The following BRD9 variants were observed in gnomAD, a reference collection of about 807,000 sequenced individuals.
BRD9 encodes the protein bromodomain containing 9, also known as bromodomain-containing protein 9.
BRD9 carries 47 observed loss-of-function variants against 68.7 expected under a neutral mutation model. The observed-to-expected ratio is 0.68, with a 90% CI of 0.54 to 0.87. The LOEUF is 0.87. Ranked by LOEUF, BRD9 falls within the 40% of genes least tolerant of loss-of-function variation. The pLI, the probability that BRD9 is intolerant of heterozygous loss-of-function variation, is 0.00. For synonymous variants in BRD9, 313 were observed against 293.9 expected (o/e 1.06, Z -0.67); for missense variants, 670 against 748.4 (o/e 0.90, Z 1.22).
intron 12 of BRD9, 67 bp from the exon 13 acceptor site, chr5:871,631 G>A: frequency 1.4e-6 from 2 of 1,424,950 alleles, no homozygotes; most frequent in Non-Finnish European, 2.0e-6. Flanking sequence ...ACAATTCGCT[G>A]ACATTACACA....
At chr5:890,111 G>T (rs1422656649) in intron 3 of BRD9, 1 of 312,674 alleles carries the variant, frequency 3.2e-6, no homozygotes, top group African/African-American at 2.2e-5. Flanking sequence ...TGGGAGGATC[G>T]CTTGAGCCCA....
rs1752187076 is a variant in BRD9 at position 883,977 on chromosome 5, T to C, written c.927A>G (p.Glu309=). 7 of 1,613,390 alleles carry C rather than the reference T, an allele frequency of 4.3e-6. No individual in the cohort carries two copies. Among genetic ancestry groups the C allele is most frequent in the Non-Finnish European group, 5.9e-6 (7 of 1,179,994 alleles). ...GGAACCGGTTGATCCTGTCCCGAGC[T>C]TCGTCAGCTGCGTGCTCCACCAGCG... is the stretch of plus-strand genomic sequence containing the variant. ...VLALVEHAAD[E]ARDRINRFLP... is the part of the protein sequence containing the mutation. Residue 309 remains glutamate (E), a synonymous_variant, in exon 8 of 16, where the codon GAA becomes GAG. Transcript: ENST00000467963.
At chr5:877,092 C>T (rs775899659) in intron 11 of BRD9, among the ~76,000 whole-genome samples, 2 of 152,190 alleles carry the variant, frequency 1.3e-5, no homozygotes, top group Non-Finnish European at 2.9e-5. Flanking sequence ...GAACCTGATG[C>T]GTTCTAGGGA....
intron 10 of BRD9, chr5:878,750 A>C: frequency 5.9e-6 from 3 of 506,926 alleles, no homozygotes; most frequent in Non-Finnish European, 1.1e-5. Context: ...CTCCACAAGC[A>C]AAAGAGCTGT....
rs775824033 is a variant in BRD9, at chr5:891,613, T to TC, written c.267+26dup. 5.8e-6 allele frequency: 9 copies of TC among 1,548,366 alleles called. No individual in the cohort carries two copies. The South Asian group carries it at 1.1e-4, about 18-fold the overall frequency. ...CCCCACGGGCTCCTCGTGGGCAGCG[T>TC]CCGGGCCACCGCCGCTGCTCCTTTA... On this transcript the variant is annotated intron_variant, in intron 2 of 15. Coordinates refer to ENST00000467963, the MANE Select transcript of BRD9 (RefSeq NM_023924.5).
At chr5:870,800 G>A (rs1750027390) in intron 13 of BRD9, among the ~76,000 whole-genome samples, 1 of 152,204 alleles carries the variant, frequency 6.6e-6, no homozygotes, top group Admixed American at 6.5e-5. Context: ...AACCTACTGA[G>A]ACCAACAACG....
At chr5:891,034 T>C (rs922961078) in intron 3 of BRD9, 121 bp downstream of exon 3, 5 of 1,299,478 alleles carry the variant, frequency 3.8e-6, no homozygotes, top group Admixed American at 2.9e-5. Flanking sequence ...GATGAGGCCC[T>C]GGAAATACCA....
chr5:876,071 C>A lies in BRD9; in HGVS notation c.1383+30G>T, dbSNP rs369163361. Reference sequence around the variant, plus strand: ...GCCAGCAGCACCCCAAGGGCACCTGCCCCCCAACCCCGGTGCGAGTGCAGC... The same window carrying A: ...GCCAGCAGCACCCCAAGGGCACCTGACCCCCAACCCCGGTGCGAGTGCAGC... On this transcript the variant is annotated intron_variant, in intron 12 of 15. Transcript: ENST00000467963. The A allele has an allele frequency of 4.6e-6, 7 of 1,525,954 alleles. No homozygotes were observed. In the East Asian group the frequency reaches 1.4e-4, roughly 30 times the overall value. The allele number at this position is 1,525,954 out of a possible 1,614,324, so 94.5% of individuals were successfully genotyped here.
Position 891,784 on chromosome 5 carries a change from T to C in BRD9, c.123A>G (p.Glu41=). 1 of 1,551,558 alleles carries C rather than the reference T, an allele frequency of 6.4e-7. No individual in the cohort carries two copies. The highest frequency in any genetic ancestry group is 1.2e-5 in the South Asian group (1 of 84,052). ...TGGAGTCGTGGCCGGATCCTGAGAG[T>C]TCAGTCACTTCACTTCCTCCGACCT... ...VLKVGGSEVT[E]LSGSGHDSSY... is the part of the protein sequence containing the mutation. Residue 41 remains glutamate (E), a synonymous_variant, in exon 2 of 16, where the codon GAA becomes GAG. Coordinates refer to ENST00000467963, the MANE Select transcript of BRD9 (RefSeq NM_023924.5).
rs914231696 is a variant in BRD9 at position 871,944 on chromosome 5, G to T, written c.1384-380C>A. On this transcript the variant is annotated intron_variant, in intron 12 of 15. Transcript: ENST00000467963. The stretch of plus-strand genomic sequence containing the variant: ...AAGAAGGGTCTCGTGGGTTCCACCT[G>T]GAATATGACCAGTTGCCTGAGACCA... Among the ~76,000 whole-genome samples, 3 of 152,394 alleles carry T rather than the reference G, an allele frequency of 2.0e-5. No homozygotes were observed. The East Asian group carries it at 5.8e-4, about 29-fold the overall frequency.
rs1160189262 is a variant in BRD9 at position 889,129 on chromosome 5, C to T, written c.498G>A (p.Thr166=). 4 of 1,609,302 alleles carry T rather than the reference C, an allele frequency of 2.5e-6. No homozygotes were observed. Among genetic ancestry groups the T allele is most frequent in the Non-Finnish European group, 3.4e-6 (4 of 1,179,060 alleles). The part of the protein sequence containing the change: ...DPHGFFAFPV[T]DAIAPGYSMI... The stretch of plus-strand genomic sequence containing the variant: ...TTGAATATCCAGGAGCAATTGCATC[C>T]GTGACAGGAAAAGCAAAAAATCCAT... The change falls in exon 5 of 16, where the codon ACG becomes ACA. Residue 166 remains threonine (T), a synonymous_variant. Coordinates refer to ENST00000467963, the MANE Select transcript of BRD9 (RefSeq NM_023924.5).
intron 8 of BRD9, 135 bp from the exon 9 acceptor site, chr5:881,317 C>T (rs915022163): frequency 7.4e-6 from 6 of 813,860 alleles, no homozygotes; most frequent in African/African-American, 3.4e-5. Context: ...GGGCCCCTCA[C>T]GGCATTCCCT....
At chr5:884,463 G>T (rs1439919124) in intron 7 of BRD9, among the ~76,000 whole-genome samples, 1 of 152,226 alleles carries the variant, frequency 6.6e-6, no homozygotes, top group African/African-American at 2.4e-5. Context: ...CAGGATAGGC[G>T]GGGCTGCTCG....
At chr5:877,630 T>C (rs1234386624) in intron 11 of BRD9, among the ~76,000 whole-genome samples, 2 of 152,168 alleles carry the variant, frequency 1.3e-5, no homozygotes, top group African/African-American at 4.8e-5. Context: ...CACAGCAACA[T>C]TCTACGGAAA....
intron 4 of BRD9, among the ~76,000 whole-genome samples, 184 bp downstream of exon 4, chr5:889,398 CTGACT>C (rs1753020584): frequency 6.6e-6 from 1 of 152,188 alleles, no homozygotes; most frequent in Middle Eastern, 3.2e-3. Context: ...TCACTCTACT[CTGACT>C]TCAGAGTGAG....
At chr5:892,585 C>G in intron 1 of BRD9, 21 bp downstream of exon 1, 2 of 1,534,886 alleles carry the variant, frequency 1.3e-6, no homozygotes, top group Non-Finnish European at 1.8e-6. Context: ...CGCCGCGCGT[C>G]ACAAAGCGCC....
chr5:886,595 A>T lies in BRD9; in HGVS notation c.830T>A (p.Ile277Asn). 3 of 1,613,484 alleles carry T rather than the reference A, an allele frequency of 1.9e-6. No homozygotes were observed. The highest frequency in any genetic ancestry group is 2.5e-6 in the Non-Finnish European group (3 of 1,179,674). Residue 277 changes from isoleucine to asparagine, a missense_variant, in exon 7 of 16, where the codon ATC (isoleucine) becomes AAC (asparagine). By Grantham distance (149) the Ile-to-Asn change is moderately radical (BLOSUM62 -3). Coordinates refer to ENST00000467963, the MANE Select transcript of BRD9 (RefSeq NM_023924.5). The stretch of plus-strand genomic sequence containing the variant: ...GTGGTTTCCACAGAACCTTTACCTG[A>T]TAACTTCTCTACTCGGCTTTTTGGA... Reference protein sequence around the residue: ...KKSKKPSREVISCMFEPEGNA... With the variant: ...KKSKKPSREVNSCMFEPEGNA...
In BRD9 at chr5:887,271, C is replaced by T. The variant is rs576008679; in HGVS notation, c.717+90G>A. The T allele has an allele frequency of 1.2e-5, 13 of 1,097,504 alleles. 1 individual carries two copies. The highest frequency in any genetic ancestry group is 6.5e-5 in the South Asian group (5 of 76,946). 68.0% of individuals were successfully genotyped at this position (1,097,504 alleles called of 1,614,324 possible). On this transcript the variant is annotated intron_variant, in intron 6 of 15. Transcript: ENST00000467963. ...ATGAGGGTGGCGGGTGGATGGAGCA[C>T]GTGTTCACTGTGAGGCTCCCTTCGG...
chr5:877,825 G>A (rs560332624), intron 11 of BRD9, among the ~76,000 whole-genome samples: 4 of 152,128 alleles, frequency 2.6e-5, no homozygotes, highest in South Asian at 2.1e-4. Context: ...CATTAGGGTG[G>A]CCCTGATCCA....
Sources: allele counts gnomAD v4.1 joint callset (sites outside exome capture counted in the v4.1 genomes callset), GRCh38; gene constraint gnomAD v4.1.1; transcripts MANE v1.5; gene names NCBI Gene and HGNC (gene_info 2026-07-23, HGNC 2026-07-21).